The following ARL15 variants were observed in gnomAD, a reference collection of about 807,000 sequenced individuals.
ARL15 encodes ARF like GTPase 15, also known as ADP-ribosylation factor-like protein 15.
Under a neutral mutation model 25.2 loss-of-function variants are expected in ARL15, and 19 were observed. The ratio of observed to expected loss-of-function variants is 0.75; its 90% CI spans 0.53 to 1.10. The LOEUF (loss-of-function observed/expected upper bound fraction) is 1.10, where lower values mean the gene tolerates loss of function less well. Ranked by LOEUF, ARL15 falls within the 50% of genes least tolerant of loss-of-function variation. The pLI is 0.00. For missense variants in ARL15, 220 were observed against 246.0 expected, an observed-to-expected ratio of 0.89 and a Z score of 0.71; for synonymous variants, 94 against 86.8, an observed-to-expected ratio of 1.08 and a Z score of -0.46.
At chr5:54,233,059 C>T (rs751069624) in intron 1 of ARL15, among the ~76,000 whole-genome samples, 2 of 152,222 alleles carry the variant, frequency 1.3e-5, no homozygotes, top group Non-Finnish European at 2.9e-5. Context: ...CCCTTTAGCA[C>T]AAATCATGCT....
intron 4 of ARL15, among the ~76,000 whole-genome samples, chr5:53,891,339 C>T (rs1005889477): frequency 2.0e-5 from 3 of 152,164 alleles, no homozygotes; most frequent in Admixed American, 1.3e-4. Flanking sequence ...CCCACAAGAA[C>T]GTGTTGTGAG....
At chr5:54,060,877 C>T (rs1333263902) in intron 4 of ARL15, among the ~76,000 whole-genome samples, 1 of 152,160 alleles carries the variant, frequency 6.6e-6, no homozygotes, top group Admixed American at 6.5e-5. Context: ...GACTTGGATG[C>T]TGTTAAAAGC....
At chr5:54,136,674 T>G (rs1356690222) in intron 3 of ARL15, among the ~76,000 whole-genome samples, 1 of 152,212 alleles carries the variant, frequency 6.6e-6, no homozygotes, top group East Asian at 1.9e-4. Flanking sequence ...GTTTTTGAAC[T>G]GTATTGGAAT....
intron 4 of ARL15, among the ~76,000 whole-genome samples, chr5:54,082,259 C>T (rs1751825954): frequency 6.6e-6 from 1 of 152,080 alleles, no homozygotes; most frequent in African/African-American, 2.4e-5. Flanking sequence ...TCAAATACTA[C>T]ATCTTGTGCA....
At chr5:54,051,629 C>T (rs918509998) in intron 4 of ARL15, among the ~76,000 whole-genome samples, 1 of 152,120 alleles carries the variant, frequency 6.6e-6, no homozygotes, top group South Asian at 2.1e-4. Flanking sequence ...TACCACTACA[C>T]GTTTGCTAAA....
chr5:53,964,193 T>C (rs1023292255), intron 4 of ARL15, among the ~76,000 whole-genome samples: 23 of 152,156 alleles, frequency 1.5e-4, no homozygotes, highest in African/African-American at 5.6e-4. Context: ...TCATCCCTTT[T>C]ACAGAATATT....
chr5:54,290,435 T>C (rs1404503580), intron 1 of ARL15, among the ~76,000 whole-genome samples: 1 of 151,676 alleles, frequency 6.6e-6, no homozygotes, highest in African/African-American at 2.4e-5. Flanking sequence ...GCCTCCTGAG[T>C]AGCTTGGGAT....
intron 4 of ARL15, among the ~76,000 whole-genome samples, chr5:53,954,779 G>A (rs1178232006): frequency 6.6e-6 from 1 of 152,024 alleles, no homozygotes; most frequent in East Asian, 1.9e-4. Context: ...GGACCACACT[G>A]CCTCTTTGCA....
chr5:53,903,395 T>C lies in ARL15; in HGVS notation c.463-16682A>G, dbSNP rs996790447. 2.0e-5 allele frequency among the ~76,000 whole-genome samples: 3 copies of C among 151,956 alleles called. No homozygotes were observed. In the South Asian group the frequency reaches 6.2e-4, roughly 32 times the overall value. On this transcript the variant is annotated intron_variant, in intron 4 of 4. Coordinates refer to ENST00000504924, the MANE Select transcript of ARL15 (RefSeq NM_019087.3). ...TTGTTTTGGTTGTCATAACAGGGGG[T>C]GGGGAAGCAGAGCAGGTGGTTACTA...
chr5:54,305,150 A>C (rs1758723094), intron 1 of ARL15, among the ~76,000 whole-genome samples: 1 of 152,202 alleles, frequency 6.6e-6, no homozygotes, highest in African/African-American at 2.4e-5. Context: ...GGTCAAGTCC[A>C]CCAGTCTATA....
intron 4 of ARL15, 112 bp from the exon 5 acceptor site, chr5:53,886,825 T>C (rs1744541845): frequency 1.0e-6 from 1 of 988,286 alleles, no homozygotes; most frequent in African/African-American, 1.6e-5. Context: ...TTATACGAAC[T>C]GTGATGCCTA....
intron 2 of ARL15, among the ~76,000 whole-genome samples, chr5:54,164,907 T>C (rs1754521287): frequency 2.0e-5 from 3 of 151,998 alleles, no homozygotes; most frequent in Non-Finnish European, 2.9e-5. Context: ...TTTCTACTTG[T>C]TTCCTATTTG....
chr5:54,280,196 G>C (rs774218163), intron 1 of ARL15, among the ~76,000 whole-genome samples: 1 of 152,148 alleles, frequency 6.6e-6, no homozygotes, highest in Non-Finnish European at 1.5e-5. Flanking sequence ...TGGTCTGAAG[G>C]CTCTCTCTAC....
chr5:54,050,404 G>T (rs1279040793), intron 4 of ARL15, among the ~76,000 whole-genome samples: 2 of 152,188 alleles, frequency 1.3e-5, no homozygotes, highest in African/African-American at 4.8e-5. Context: ...AGAATACTGT[G>T]CTGTCTTTTA....
At chr5:54,232,614 G>C (rs35765393) in intron 1 of ARL15, among the ~76,000 whole-genome samples, 11,053 of 152,178 alleles carry the variant, frequency 0.073, 543 homozygotes, top group African/African-American at 0.13. Flanking sequence ...AGGGCAGAGT[G>C]GGAAGGGCAG....
chr5:54,175,126 G>T (rs1015922094), intron 1 of ARL15, among the ~76,000 whole-genome samples: 8 of 152,188 alleles, frequency 5.3e-5, no homozygotes, highest in Admixed American at 2.6e-4. Flanking sequence ...AATTATTCAT[G>T]TCGTTATCAC....
intron 2 of ARL15, among the ~76,000 whole-genome samples, chr5:54,160,051 G>C (rs1033805953): frequency 2.6e-5 from 4 of 152,176 alleles, no homozygotes; most frequent in Non-Finnish European, 5.9e-5. Flanking sequence ...AAATTCCTGG[G>C]TCACTCTAAG....
intron 4 of ARL15, among the ~76,000 whole-genome samples, chr5:54,032,158 T>C (rs1750011572): frequency 6.6e-6 from 1 of 152,160 alleles, no homozygotes; most frequent in Admixed American, 6.5e-5. Context: ...AGAGAAAATT[T>C]AGAAGACTCT....
intron 1 of ARL15, among the ~76,000 whole-genome samples, chr5:54,182,785 GGAATGTTCT>G (rs1755099639): frequency 6.6e-6 from 1 of 152,044 alleles, no homozygotes; most frequent in Admixed American, 6.6e-5. Flanking sequence ...CCATGAGCAT[GGAATGTTCT>G]TCCATTTGTT....
Sources: allele counts gnomAD v4.1 joint callset (sites outside exome capture counted in the v4.1 genomes callset), GRCh38; gene constraint gnomAD v4.1.1; transcripts MANE v1.5; gene names NCBI Gene and HGNC (gene_info 2026-07-23, HGNC 2026-07-21).